The following MGAT4C variants were observed in gnomAD, a reference collection of about 807,000 sequenced individuals.
MGAT4C encodes the protein alpha-1,3-mannosyl-glycoprotein 4-beta-N-acetylglucosaminyltransferase C.
MGAT4C carries 19 observed loss-of-function variants against 40.1 expected under a neutral mutation model. The observed-to-expected ratio is 0.47, with a 90% confidence interval of 0.33 to 0.70. The LOEUF (loss-of-function observed/expected upper bound fraction) is 0.70, where lower values mean the gene tolerates loss of function less well. MGAT4C is among the 30% of genes least tolerant of loss of function. The pLI, the probability that MGAT4C is intolerant of heterozygous loss-of-function variation, is 0.02. For missense variants in MGAT4C, 491 were observed against 563.2 expected, an observed-to-expected ratio of 0.87 and a Z score of 1.30; for synonymous variants, 181 against 187.1, an observed-to-expected ratio of 0.97 and a Z score of 0.27.
intron 1 of MGAT4C, among the ~76,000 whole-genome samples, chr12:86,193,677 A>G (rs921230572): frequency 1.3e-5 from 2 of 152,154 alleles, no homozygotes; most frequent in Non-Finnish European, 2.9e-5. Flanking sequence ...CTCTAGTAAC[A>G]GCATCATATT....
rs1884398459 is a variant in MGAT4C at position 85,980,201 on chromosome 12, T to C, written c.525A>G (p.Pro175=). 1.2e-6 allele frequency: 2 copies of C among 1,613,920 alleles called. No homozygotes were observed. The highest frequency in any genetic ancestry group is 8.5e-7 in the Non-Finnish European group (1 of 1,179,866). The change falls in exon 5 of 5, where the codon CCA becomes CCG. Residue 175 remains proline, a synonymous_variant. Transcript: ENST00000611864. ...IAGRLMVIHA[P]EEYYPILDGL... is the part of the protein sequence containing the mutation. ...CATCTAGGATTGGGTAATACTCCTC[T>C]GGAGCATGTATAACCATTAATCTTC...
chr12:86,624,912 A>T (rs981552697), intron 2 of MGAT4C, among the ~76,000 whole-genome samples: 1 of 152,038 alleles, frequency 6.6e-6, no homozygotes, highest in South Asian at 2.1e-4. Flanking sequence ...TTTTGGTTCC[A>T]TGTCTCCACA....
intron 1 of MGAT4C, chr12:86,838,629 G>C (rs1217708943): frequency 1.3e-5 from 2 of 152,146 alleles, no homozygotes; most frequent in African/African-American, 4.8e-5. Flanking sequence ...ACCTGATAAA[G>C]AAGAGAGGGT....
intron 4 of MGAT4C, among the ~76,000 whole-genome samples, chr12:86,266,825 T>C (rs1319092371): frequency 6.6e-6 from 1 of 152,152 alleles, no homozygotes; most frequent in South Asian, 2.1e-4. Flanking sequence ...TGCTGTTTAT[T>C]GGCCTGCTCA....
chr12:86,828,878 G>C (rs949321434), intron 1 of MGAT4C, among the ~76,000 whole-genome samples: 1 of 151,526 alleles, frequency 6.6e-6, no homozygotes, highest in African/African-American at 2.4e-5. Flanking sequence ...AAGTGGACAC[G>C]TGGATTCTTT....
intron 3 of MGAT4C, among the ~76,000 whole-genome samples, chr12:86,420,791 A>G (rs2136255766): frequency 6.7e-6 from 1 of 149,180 alleles, no homozygotes; most frequent in East Asian, 2.0e-4. Context: ...ATATATATAT[A>G]TATACACACA....
chr12:86,711,797 A>G (rs1009656763), intron 2 of MGAT4C, among the ~76,000 whole-genome samples: 35 of 152,172 alleles, frequency 2.3e-4, no homozygotes, highest in Non-Finnish European at 3.1e-4. Context: ...AGCCAGACAC[A>G]CAATTTGAAT....
At chr12:86,808,097 T>C (rs1251189802) in intron 1 of MGAT4C, among the ~76,000 whole-genome samples, 2 of 152,080 alleles carry the variant, frequency 1.3e-5, no homozygotes, top group Non-Finnish European at 2.9e-5. Flanking sequence ...GTTAAAGCCC[T>C]GAATAGACCA....
At chr12:86,333,391 C>T (rs1199759665) in intron 4 of MGAT4C, among the ~76,000 whole-genome samples, 1 of 152,186 alleles carries the variant, frequency 6.6e-6, no homozygotes, top group Non-Finnish European at 1.5e-5. Flanking sequence ...TACGTCCTCT[C>T]TAACTTTCAC....
intron 1 of MGAT4C, among the ~76,000 whole-genome samples, chr12:86,143,151 T>C (rs190681102): frequency 5.3e-4 from 81 of 152,320 alleles, no homozygotes; most frequent in Middle Eastern, 3.4e-3. Flanking sequence ...ACCCAGTTTA[T>C]GGTATTTTTA....
rs574658736 is a variant in MGAT4C, at chr12:86,275,997, C to T, written c.-57+58068G>A. On this transcript the variant is annotated intron_variant, in intron 4 of 7. Coordinates refer to the MGAT4C transcript ENST00000548651. ...AATTAGCCGGGCGTGGTGTTGGCCG[C>T]TTGTAGTCCCAGCTACAGGCTGAGG... is the stretch of plus-strand genomic sequence containing the variant. 2.0e-5 allele frequency among the ~76,000 whole-genome samples: 3 copies of T among 146,988 alleles called. No individual in the cohort carries two copies. In the East Asian group the frequency reaches 6.0e-4, roughly 29 times the overall value.
chr12:86,617,363 A>G (rs1444350023), intron 2 of MGAT4C, among the ~76,000 whole-genome samples: 2 of 152,142 alleles, frequency 1.3e-5, no homozygotes, highest in African/African-American at 4.8e-5. Flanking sequence ...GATTCAACCA[A>G]CTCCAAATTG....
chr12:86,041,624 T>C (rs1319495452), intron 2 of MGAT4C, among the ~76,000 whole-genome samples: 1 of 152,190 alleles, frequency 6.6e-6, no homozygotes, highest in East Asian at 1.9e-4. Context: ...TGTAATTACA[T>C]GGTTTTGAGT....
At position 85,965,109 on chromosome 12, in the gene MGAT4C, ATATT is replaced by A. The variant is rs1022278638; in HGVS notation, c.*14176_*14179del. 3.9e-5 allele frequency: 6 copies of A among 152,164 alleles called. No individual in the cohort carries two copies. Among genetic ancestry groups the A allele is most frequent in the South Asian group, 2.1e-4 (1 of 4,818 alleles). 9.4% of individuals were successfully genotyped at this position (152,164 alleles called of 1,614,324 possible). A position where few individuals can be genotyped will look rare whatever the true frequency, so the allele number is the denominator to read the frequency against. ...CTTTCCAATTAGAGTGAGGTGTTGA[ATATT>A]TATTTATTTGTTTATTTTTATTATA... On this transcript the variant is annotated 3_prime_UTR_variant, in exon 5 of 5. Transcript: ENST00000611864.
At chr12:86,738,457 T>C (rs1161360602) in intron 1 of MGAT4C, among the ~76,000 whole-genome samples, 1 of 151,390 alleles carries the variant, frequency 6.6e-6, no homozygotes, top group Non-Finnish European at 1.5e-5. Context: ...AATATCTTCA[T>C]ACAGGTGAGG....
chr12:86,144,873 T>G (rs1883311996), intron 1 of MGAT4C, among the ~76,000 whole-genome samples: 1 of 152,144 alleles, frequency 6.6e-6, no homozygotes, highest in African/African-American at 2.4e-5. Context: ...GGGTCTTTTA[T>G]GAGAAGAAAT....
At chr12:86,695,743 A>G (rs1950244812) in intron 2 of MGAT4C, among the ~76,000 whole-genome samples, 1 of 152,120 alleles carries the variant, frequency 6.6e-6, no homozygotes, top group African/African-American at 2.4e-5. Flanking sequence ...TCATCGACAC[A>G]GAGAGTAGAA....
At chr12:86,661,367 TTAAAG>T (rs1340428816) in intron 2 of MGAT4C, among the ~76,000 whole-genome samples, 1 of 151,538 alleles carries the variant, frequency 6.6e-6, no homozygotes, top group African/African-American at 2.4e-5. Context: ...GCAATGAGAT[TTAAAG>T]TAAATATTAC....
At chr12:86,455,373 G>A (rs1342333706) in intron 2 of MGAT4C, among the ~76,000 whole-genome samples, 1 of 152,080 alleles carries the variant, frequency 6.6e-6, no homozygotes, top group Non-Finnish European at 1.5e-5. Context: ...TCTAGATGAG[G>A]TTGACCCTAG....
Sources: gnomAD v4.1 joint callset for allele counts (sites outside exome capture counted in the v4.1 genomes callset) on GRCh38, gnomAD v4.1.1 for gene constraint, MANE v1.5 for transcripts, NCBI Gene and HGNC (gene_info 2026-07-23, HGNC 2026-07-21) for gene names.